Variants in SBF2 observed in about 807,000 individuals in gnomAD.
The protein encoded by SBF2 is SET binding factor 2.
A neutral mutation model predicts 225.2 loss-of-function variants in SBF2; 112 were observed. That is an observed-to-expected ratio of 0.50 (90% CI 0.43 to 0.58). The LOEUF is 0.58. SBF2 is among the 20% of genes least tolerant of loss of function. SBF2 has a pLI of 0.00. For synonymous variants in SBF2, 763 were observed against 773.3 expected, an observed-to-expected ratio of 0.99 and a Z score of 0.22; for missense variants, 1,996 against 2,206.2, an observed-to-expected ratio of 0.90 and a Z score of 1.91.
At chr11:10,026,331 T>G (rs1949053592) in intron 6 of SBF2, among the ~76,000 whole-genome samples, 1 of 152,212 alleles carries the variant, frequency 6.6e-6, no homozygotes. Flanking sequence ...GTATACAACC[T>G]TTTTTAAAGT....
At chr11:10,140,856 G>T (rs1300271033) in intron 2 of SBF2, among the ~76,000 whole-genome samples, 2 of 152,094 alleles carry the variant, frequency 1.3e-5, no homozygotes, top group Non-Finnish European at 1.5e-5. Context: ...GTTGGAAATT[G>T]GTTGATGTGG....
Position 9,993,121 on chromosome 11 carries a change from A to G in SBF2, c.1054-18T>C. On this transcript the variant is annotated intron_variant, in intron 10 of 39. Coordinates refer to ENST00000256190, the MANE Select transcript of SBF2 (RefSeq NM_030962.4). ...TCTTTATCCTAAAAATATAAGAAGAAATGTTAGGTAATTTAACTTTTTAAA... is the reference window on the plus strand; with the variant it reads ...TCTTTATCCTAAAAATATAAGAAGAGATGTTAGGTAATTTAACTTTTTAAA... The G allele has an allele frequency of 6.4e-7, 1 of 1,551,656 alleles. No individual in the cohort carries two copies. Among genetic ancestry groups the G allele is most frequent in the African/African-American group, 1.4e-5 (1 of 73,838 alleles).
chr11:9,832,798 G>GA (rs1190686227), intron 26 of SBF2, among the ~76,000 whole-genome samples: 1 of 152,142 alleles, frequency 6.6e-6, no homozygotes, highest in African/African-American at 2.4e-5. Flanking sequence ...GGATTGAGAA[G>GA]AAAATCCCTA....
At chr11:10,219,518 A>C in intron 1 of SBF2, among the ~76,000 whole-genome samples, 1 of 152,178 alleles carries the variant, frequency 6.6e-6, no homozygotes, top group Non-Finnish European at 1.5e-5. Flanking sequence ...GGTGATTAAC[A>C]TTTGGCTCCT....
At chr11:10,028,214 C>T (rs1173900519) in intron 6 of SBF2, among the ~76,000 whole-genome samples, 1 of 152,048 alleles carries the variant, frequency 6.6e-6, no homozygotes, top group African/African-American at 2.4e-5. Flanking sequence ...ACACCCGTCC[C>T]ATCCACTTTC....
intron 2 of SBF2, among the ~76,000 whole-genome samples, chr11:10,096,218 A>T (rs1324392635): frequency 6.6e-6 from 1 of 152,188 alleles, no homozygotes; most frequent in Non-Finnish European, 1.5e-5. Flanking sequence ...TCTACATGTC[A>T]GCTAGTTTAT....
At chr11:9,938,214 C>A (rs1415695073) in intron 16 of SBF2, among the ~76,000 whole-genome samples, 1 of 151,878 alleles carries the variant, frequency 6.6e-6, no homozygotes, top group Non-Finnish European at 1.5e-5. Flanking sequence ...TGGTGAGAAC[C>A]CGGCAGGTGG....
At chr11:9,805,505 T>C (rs1175771474) in intron 32 of SBF2, among the ~76,000 whole-genome samples, 1 of 152,210 alleles carries the variant, frequency 6.6e-6, no homozygotes, top group Non-Finnish European at 1.5e-5. Flanking sequence ...CTTTAGGAAA[T>C]GTGGAGCCAC....
intron 3 of SBF2, among the ~76,000 whole-genome samples, chr11:10,033,548 C>G (rs995298241): frequency 1.3e-5 from 2 of 151,930 alleles, no homozygotes; most frequent in Admixed American, 6.6e-5. Flanking sequence ...TGCTACAAAT[C>G]CTAAAATATT....
chr11:10,049,477 C>T (rs1949986074), intron 2 of SBF2, among the ~76,000 whole-genome samples: 1 of 152,028 alleles, frequency 6.6e-6, no homozygotes, highest in South Asian at 2.1e-4. Flanking sequence ...TGTGGTGGCA[C>T]ATATCTGCAA....
At chr11:10,103,222 C>A (rs1952387849) in intron 2 of SBF2, among the ~76,000 whole-genome samples, 1 of 151,986 alleles carries the variant, frequency 6.6e-6, no homozygotes, top group African/African-American at 2.4e-5. Flanking sequence ...TGTTTTAAAC[C>A]TTTGATATTT....
At chr11:9,926,214 A>C (rs1259074706) in intron 16 of SBF2, among the ~76,000 whole-genome samples, 1 of 152,216 alleles carries the variant, frequency 6.6e-6, no homozygotes, top group Non-Finnish European at 1.5e-5. Flanking sequence ...TAAGTAGAAA[A>C]ATATTTCGGG....
intron 16 of SBF2, among the ~76,000 whole-genome samples, chr11:9,943,719 G>T (rs1181018129): frequency 6.6e-6 from 1 of 152,046 alleles, no homozygotes; most frequent in Non-Finnish European, 1.5e-5. Context: ...TAAGAATTCA[G>T]AATTTTTAAT....
intron 2 of SBF2, among the ~76,000 whole-genome samples, chr11:10,095,501 C>T (rs1951978964): frequency 6.6e-6 from 1 of 151,896 alleles, no homozygotes; most frequent in Non-Finnish European, 1.5e-5. Context: ...CAGTCTTATA[C>T]ATTTCTTCCC....
chr11:9,969,973 T>C (rs921603817), intron 13 of SBF2, among the ~76,000 whole-genome samples: 1 of 152,144 alleles, frequency 6.6e-6, no homozygotes, highest in Admixed American at 6.5e-5. Flanking sequence ...GCTAATATTT[T>C]TGTAGACTCT....
chr11:10,248,341 T>C (rs1463842536), intron 1 of SBF2, among the ~76,000 whole-genome samples: 1 of 152,248 alleles, frequency 6.6e-6, no homozygotes, highest in Non-Finnish European at 1.5e-5. Context: ...AGGGAATTTA[T>C]GCAAGAAATG....
intron 16 of SBF2, among the ~76,000 whole-genome samples, chr11:9,947,291 T>C (rs1015557343): frequency 7.9e-5 from 12 of 152,204 alleles, no homozygotes. Flanking sequence ...AGGCTTTAGA[T>C]TCCTATCACG....
At chr11:9,819,347 T>C (rs1037908988) in intron 28 of SBF2, 1 of 152,174 alleles carries the variant, frequency 6.6e-6, no homozygotes, top group African/African-American at 2.4e-5. Context: ...AAAATGTATA[T>C]AGCAGCAAAT....
chr11:10,120,575 T>C (rs1171604132), intron 2 of SBF2, among the ~76,000 whole-genome samples: 1 of 152,202 alleles, frequency 6.6e-6, no homozygotes, highest in East Asian at 1.9e-4. Context: ...CAAAAGGGTC[T>C]AATTTAATCC....
Sources: allele counts gnomAD v4.1 joint callset (sites outside exome capture counted in the v4.1 genomes callset), GRCh38; gene constraint gnomAD v4.1.1; transcripts MANE v1.5; gene names NCBI Gene and HGNC (gene_info 2026-07-23, HGNC 2026-07-21).